Variants in SPRED2 observed in about 807,000 individuals in gnomAD.
SPRED2 encodes the protein sprouty-related, EVH1 domain-containing protein 2.
A neutral mutation model predicts 43.0 loss-of-function variants in SPRED2; 47 were observed. That is an observed-to-expected ratio of 1.09 (90% confidence interval 0.87 to 1.40). The LOEUF is 1.40. Ranked by LOEUF, SPRED2 falls within the 40% of genes most tolerant of loss-of-function variation. The probability of loss-of-function intolerance (pLI) is 0.00; values close to 1 mark genes in which losing one functional copy is unlikely to be tolerated. For synonymous variants in SPRED2, 225 were observed against 225.7 expected, an observed-to-expected ratio of 1.00 and a Z score of 0.03; for missense variants, 561 against 586.4, an observed-to-expected ratio of 0.96 and a Z score of 0.45.
At position 65,382,559 on chromosome 2, in the gene SPRED2, T is replaced by C. The variant is rs554703494; in HGVS notation, c.27-37663A>G. Among the ~76,000 whole-genome samples, 7 of 152,264 alleles carry C rather than the reference T, an allele frequency of 4.6e-5. No homozygotes were observed. In the South Asian group the frequency reaches 1.5e-3, roughly 32 times the overall value. ...AGCACAGACTAGCGGTACTGTCCCA[T>C]AGAAATGGAAACTGAGCCACATACA... On this transcript the variant is annotated intron_variant, in intron 1 of 5. Transcript: ENST00000356388.
chr2:65,322,290 A>C lies in SPRED2; in HGVS notation c.439-5407T>G, dbSNP rs1162217046. 5.0e-3 allele frequency among the ~76,000 whole-genome samples: 397 copies of C among 78,870 alleles called. 6 individuals are homozygous for C. The highest frequency in any genetic ancestry group is 0.023 in the African/African-American group (369 of 16,302). 51.7% of individuals were successfully genotyped at this position (78,870 alleles called of 152,430 possible). A position where few individuals can be genotyped will look rare whatever the true frequency, so the allele number is the denominator to read the frequency against. ...TCTCTCTATATATATATATATATAT[A>C]TATATTTTTTTTTTTTTTTTTGAGA... On this transcript the variant is annotated intron_variant, in intron 4 of 5. Coordinates refer to ENST00000356388, the MANE Select transcript of SPRED2 (RefSeq NM_181784.3).
At chr2:65,354,463 C>G (rs1160310879) in intron 1 of SPRED2, among the ~76,000 whole-genome samples, 2 of 151,904 alleles carry the variant, frequency 1.3e-5, no homozygotes, top group Non-Finnish European at 2.9e-5. Context: ...AATTTCACCT[C>G]TAAGTGTTTA....
chr2:65,355,856 C>T (rs565589028), intron 1 of SPRED2, among the ~76,000 whole-genome samples: 1 of 152,288 alleles, frequency 6.6e-6, no homozygotes, highest in East Asian at 1.9e-4. Flanking sequence ...ATTCCAGAAG[C>T]AGTAATTTTC....
At chr2:65,309,655 G>A (rs1673018734), downstream of SPRED2, among the ~76,000 whole-genome samples, 1 of 152,136 alleles carries the variant, frequency 6.6e-6, no homozygotes, top group African/African-American at 2.4e-5. Context: ...GAGGGTTACT[G>A]TTGTTTCTTT....
At chr2:65,406,562 C>T (rs2103744748) in intron 1 of SPRED2, among the ~76,000 whole-genome samples, 1 of 152,286 alleles carries the variant, frequency 6.6e-6, no homozygotes, top group South Asian at 2.1e-4. Context: ...TCTTCGTGCA[C>T]CACATGTGAG....
intron 4 of SPRED2, 75 bp from the exon 5 acceptor site, chr2:65,316,958 A>G (rs1275777792): frequency 1.2e-5 from 17 of 1,473,500 alleles, no homozygotes; most frequent in Non-Finnish European, 1.6e-5. Context: ...CCTGACATGC[A>G]CTATTCAAAT....
intron 1 of SPRED2, among the ~76,000 whole-genome samples, chr2:65,421,930 G>C (rs1425029355): frequency 6.6e-6 from 1 of 152,162 alleles, no homozygotes; most frequent in Non-Finnish European, 1.5e-5. Context: ...CAAAGGACCT[G>C]GGTTAAAAAT....
chr2:65,360,089 CAAAAAAAAAACAAAAAA>C (rs1674765647), intron 1 of SPRED2, among the ~76,000 whole-genome samples: 1 of 43,162 alleles, frequency 2.3e-5, no homozygotes, highest in Admixed American at 3.2e-4. Context: ...CAAAAAAAAA[CAAAAAAAAAACAAAAAA>C]AAAAAAAACA....
chr2:65,422,724 C>G (rs567598959), intron 1 of SPRED2, among the ~76,000 whole-genome samples: 1 of 152,276 alleles, frequency 6.6e-6, no homozygotes, highest in South Asian at 2.1e-4. Flanking sequence ...CAAAAGACAT[C>G]TTAGAATGGA....
rs1553426622 is a variant in SPRED2 at position 65,401,937 on chromosome 2, GCACA to G, written c.26+30021_26+30024del. On this transcript the variant is annotated intron_variant, in intron 1 of 5. Coordinates refer to ENST00000356388, the MANE Select transcript of SPRED2 (RefSeq NM_181784.3). ...ACGATCAGAATATTAGCGCGCGCGC[GCACA>G]CACACACACACACACACACACACAC... 4.6e-3 allele frequency among the ~76,000 whole-genome samples: 528 copies of G among 114,750 alleles called. 4 individuals carry two copies. Among genetic ancestry groups the G allele is most frequent in the East Asian group, 0.021 (93 of 4,448 alleles). The allele number at this position is 114,750 out of a possible 152,430, so 75.3% of individuals were successfully genotyped here. A position where few individuals can be genotyped will look rare whatever the true frequency, so the allele number is the denominator to read the frequency against.
intron 1 of SPRED2, among the ~76,000 whole-genome samples, chr2:65,406,592 C>G (rs1178565630): frequency 6.6e-6 from 1 of 152,200 alleles, no homozygotes; most frequent in Non-Finnish European, 1.5e-5. Flanking sequence ...CATTCCACCT[C>G]TGGGGGAGGT....
chr2:65,421,143 T>G (rs992917136), intron 1 of SPRED2, among the ~76,000 whole-genome samples: 1 of 152,170 alleles, frequency 6.6e-6, no homozygotes. Flanking sequence ...ACCGAGAACT[T>G]TCTTTCAGCC....
At chr2:65,409,448 C>T (rs1347640692) in intron 1 of SPRED2, among the ~76,000 whole-genome samples, 1 of 151,986 alleles carries the variant, frequency 6.6e-6, no homozygotes, top group Non-Finnish European at 1.5e-5. Context: ...TTTTAACACC[C>T]CTATCAGAAC....
intron 1 of SPRED2, among the ~76,000 whole-genome samples, chr2:65,404,556 A>G (rs888808909): frequency 6.6e-6 from 1 of 152,180 alleles, no homozygotes; most frequent in Non-Finnish European, 1.5e-5. Flanking sequence ...TACCCTATTC[A>G]TTCATTCAGC....
intron 1 of SPRED2, among the ~76,000 whole-genome samples, chr2:65,383,865 G>A (rs1206599070): frequency 6.6e-6 from 1 of 152,204 alleles, no homozygotes; most frequent in Non-Finnish European, 1.5e-5. Context: ...AGAACGGGAA[G>A]TTTATTTTTG....
chr2:65,346,531 C>T (rs1674355105), intron 1 of SPRED2, among the ~76,000 whole-genome samples: 1 of 152,142 alleles, frequency 6.6e-6, no homozygotes, highest in Admixed American at 6.5e-5. Context: ...ACTTCCTCGA[C>T]CCCTCAGCCC....
At chr2:65,419,796 G>A (rs1465094466) in intron 1 of SPRED2, among the ~76,000 whole-genome samples, 1 of 152,170 alleles carries the variant, frequency 6.6e-6, no homozygotes, top group Non-Finnish European at 1.5e-5. Context: ...GAGTGCATAT[G>A]GTTTCCCAGA....
At chr2:65,316,972 A>G in intron 4 of SPRED2, 89 bp from the exon 5 acceptor site, 1 of 1,371,734 alleles carries the variant, frequency 7.3e-7, no homozygotes, top group Non-Finnish European at 1.0e-6. Context: ...TTCAAATACT[A>G]GCTATTCCCT....
Position 65,313,743 on chromosome 2 carries a change from G to A in SPRED2, c.1015C>T (p.Arg339Trp), listed in dbSNP as rs1371631053. 61 of 1,614,070 alleles carry A rather than the reference G, an allele frequency of 3.8e-5. No individual in the cohort carries two copies. Among genetic ancestry groups the A allele is most frequent in the Non-Finnish European group, 5.0e-5 (59 of 1,180,036 alleles). Residue 339 changes from arginine to tryptophan, a missense_variant, in exon 6 of 6, where the codon CGG becomes TGG. Transcript: ENST00000356388. ...APDSVRTCIR[R>W]VSCMWCADSM... ...TCCGCGCACCACATGCAGCTCACCC[G>A]GCGGATGCAAGTTCTCACGGAGTCG... is the stretch of plus-strand genomic sequence containing the variant.
Sources: allele counts gnomAD v4.1 joint callset (sites outside exome capture counted in the v4.1 genomes callset), GRCh38; gene constraint gnomAD v4.1.1; transcripts MANE v1.5; gene names NCBI Gene and HGNC (gene_info 2026-07-23, HGNC 2026-07-21).